Variants in CARM1 observed in about 807,000 individuals in gnomAD.
The protein encoded by CARM1 is coactivator associated arginine methyltransferase 1, also known as histone-arginine methyltransferase CARM1.
A neutral mutation model predicts 72.7 loss-of-function variants in CARM1; 14 were observed. The observed-to-expected ratio is 0.19, with a 90% CI of 0.13 to 0.30. The LOEUF (loss-of-function observed/expected upper bound fraction) is 0.30. CARM1 is among the 10% of genes least tolerant of loss of function. CARM1 has a pLI of 1.00. For synonymous variants in CARM1, 333 were observed against 345.5 expected (o/e 0.96, Z 0.40); for missense variants, 432 against 833.7 (o/e 0.52, Z 5.93).
intron 1 of CARM1, among the ~76,000 whole-genome samples, chr19:10,880,635 G>A (rs1472825666): frequency 1.3e-5 from 2 of 151,728 alleles, no homozygotes; most frequent in East Asian, 1.9e-4. Flanking sequence ...TTACAGGTGT[G>A]AGTCATGGCA....
chr19:10,905,198 C>T (rs777808002), intron 2 of CARM1, 122 bp downstream of exon 2: 5 of 1,193,302 alleles, frequency 4.2e-6, no homozygotes, highest in African/African-American at 1.5e-5. Context: ...CCACTGCCCT[C>T]AAAACCACAT....
At position 10,916,561 on chromosome 19, in the gene CARM1, T is replaced by TC. The variant is rs2074198404; in HGVS notation, c.938+68dup. ...CTGCCTTCTCAGGGACAGCCCCAGCTCCCCAGAGAGCCTGCACTCCTCTTT... is the reference window on the plus strand; with the variant it reads ...CTGCCTTCTCAGGGACAGCCCCAGCTCCCCCAGAGAGCCTGCACTCCTCTTT... On this transcript the variant is annotated intron_variant, in intron 7 of 15. Transcript: ENST00000327064. This position sits in a 1 kb window ranked among gnomAD's most constrained non-coding sequence, Gnocchi z 4.4. 16 of 1,434,732 alleles carry TC rather than the reference T, an allele frequency of 1.1e-5. No homozygotes were observed. The highest frequency in any genetic ancestry group is 1.4e-5 in the Non-Finnish European group (14 of 1,021,254). 88.9% of individuals were successfully genotyped at this position (1,434,732 alleles called of 1,614,324 possible). A position where few individuals can be genotyped will look rare whatever the true frequency, so the allele number is the denominator to read the frequency against.
At chr19:10,918,907 C>A (rs2074218856) in intron 8 of CARM1, 1 of 152,182 alleles carries the variant, frequency 6.6e-6, no homozygotes, top group Non-Finnish European at 1.5e-5. Context: ...CTGGTTTATT[C>A]TTTTCTTTGG....
chr19:10,892,079 C>T (rs1020781833), intron 1 of CARM1, among the ~76,000 whole-genome samples: 1 of 152,196 alleles, frequency 6.6e-6, no homozygotes, highest in East Asian at 1.9e-4. Context: ...CTGTGCCTTA[C>T]GTTGTGGCTC....
chr19:10,920,039 G>C lies in CARM1; in HGVS notation c.1196+73G>C, dbSNP rs975874651. 41 of 1,202,412 alleles carry C rather than the reference G, an allele frequency of 3.4e-5. 1 individual carries two copies. In the South Asian group the frequency reaches 4.2e-4, roughly 12 times the overall value. 74.5% of individuals were successfully genotyped at this position (1,202,412 alleles called of 1,614,324 possible). A position where few individuals can be genotyped will look rare whatever the true frequency, so the allele number is the denominator to read the frequency against. On this transcript the variant is annotated intron_variant, in intron 10 of 15. Coordinates refer to ENST00000327064, the MANE Select transcript of CARM1 (RefSeq NM_199141.2). This position sits in a 1 kb window ranked among gnomAD's most constrained non-coding sequence, Gnocchi z 5.3. ...CTTCCTGCAGCTGCAACCTGGCTGG[G>C]GGGGTGGAACATGGCTCCAGGTTCC... is the stretch of plus-strand genomic sequence containing the variant.
chr19:10,879,779 A>T (rs371556790), intron 1 of CARM1, among the ~76,000 whole-genome samples: 2 of 152,090 alleles, frequency 1.3e-5, no homozygotes, highest in South Asian at 4.2e-4. Context: ...ACACCCAGAT[A>T]ATTTTTGTAT....
Position 10,920,894 on chromosome 19 carries a change from C to T in CARM1, c.1485C>T (p.Asn495=). 1 of 1,614,258 alleles carries T rather than the reference C, an allele frequency of 6.2e-7. No homozygotes were observed. The highest frequency in any genetic ancestry group is 1.3e-5 in the African/African-American group (1 of 75,074). The change falls in exon 13 of 16, where the codon AAC becomes AAT. Residue 495 remains asparagine (N), a synonymous_variant. Coordinates refer to ENST00000327064, the MANE Select transcript of CARM1 (RefSeq NM_199141.2). This position sits in a 1 kb window ranked among gnomAD's most constrained non-coding sequence, Gnocchi z 5.3. ...CCCACTACACATCTCCCTCGGAAAACATGTGGAACACGGGCAGCACCTACA... is the reference window on the plus strand; with the variant it reads ...CCCACTACACATCTCCCTCGGAAAATATGTGGAACACGGGCAGCACCTACA... ...PGSHYTSPSE[N]MWNTGSTYNL... is the part of the protein sequence containing the mutation.
intron 1 of CARM1, among the ~76,000 whole-genome samples, chr19:10,890,627 A>C (rs1193123238): frequency 6.7e-6 from 1 of 149,912 alleles, no homozygotes; most frequent in African/African-American, 2.4e-5. Context: ...ACTTTGTTTT[A>C]TTTACATATA....
Position 10,915,550 on chromosome 19 carries a change from C to A in CARM1, c.848-857C>A, listed in dbSNP as rs918149151. Among the ~76,000 whole-genome samples, 1 of 152,074 alleles carries A rather than the reference C, an allele frequency of 6.6e-6. No individual in the cohort carries two copies. Among genetic ancestry groups the A allele is most frequent in the Non-Finnish European group, 1.5e-5 (1 of 67,964 alleles). ...GGCTGGGTCACTTCCCATGGTGCCCCCAGGTCCCCCAGGGCAGAAGCCGCA... is the reference window on the plus strand; with the variant it reads ...GGCTGGGTCACTTCCCATGGTGCCCACAGGTCCCCCAGGGCAGAAGCCGCA... On this transcript the variant is annotated intron_variant, in intron 6 of 15. Transcript: ENST00000327064. The surrounding 1 kb of genome is among the most constrained non-coding windows in gnomAD (Gnocchi z 4.6).
chr19:10,910,167 A>C (rs2074137487), intron 4 of CARM1, among the ~76,000 whole-genome samples: 1 of 152,110 alleles, frequency 6.6e-6, no homozygotes, highest in Non-Finnish European at 1.5e-5. Flanking sequence ...AGAACAGAGC[A>C]GAACGTCTGT....
chr19:10,902,340 C>G (rs755808787), intron 1 of CARM1, among the ~76,000 whole-genome samples: 9 of 136,498 alleles, frequency 6.6e-5, no homozygotes, highest in Non-Finnish European at 1.2e-4. Context: ...GTTGCCCAGG[C>G]TGGAGTACAG....
intron 1 of CARM1, among the ~76,000 whole-genome samples, chr19:10,899,237 C>CAGGCTT (rs909961576): frequency 2.7e-4 from 41 of 152,196 alleles, no homozygotes; most frequent in African/African-American, 9.4e-4. Context: ...TGGGCACAGC[C>CAGGCTT]AGGCTTCACT....
In CARM1 at chr19:10,915,630, G is replaced by A. The variant is rs182923700; in HGVS notation, c.848-777G>A. Among the ~76,000 whole-genome samples the A allele has an allele frequency of 4.9e-3, 748 of 152,222 alleles. 9 individuals carry two copies. The highest frequency in any genetic ancestry group is 0.017 in the African/African-American group (721 of 41,554). On this transcript the variant is annotated intron_variant, in intron 6 of 15. Transcript: ENST00000327064. This position sits in a 1 kb window ranked among gnomAD's most constrained non-coding sequence, Gnocchi z 4.6. ...GCTGCAGCCCTGCAGCTCTCGCCTC[G>A]GGTACAGCCTGGTGGCGTAAGGAGG...
Position 10,912,518 on chromosome 19 carries a change from C to CT in CARM1, c.669+238dup, listed in dbSNP as rs201894360. ...GGGCCACATGTCATTTCCCTGTTTT[C>CT]TTTTTTTTTTTTTTGCACTGAAACC... On this transcript the variant is annotated intron_variant, in intron 5 of 15. Transcript: ENST00000327064. This position sits in a 1 kb window ranked among gnomAD's most constrained non-coding sequence, Gnocchi z 4.5. 0.034 allele frequency among the ~76,000 whole-genome samples: 4,884 copies of CT among 141,694 alleles called. 118 individuals carry two copies. The highest frequency in any genetic ancestry group is 0.054 in the Non-Finnish European group (3,496 of 64,372). 93.0% of individuals were successfully genotyped at this position (141,694 alleles called of 152,430 possible).
intron 1 of CARM1, among the ~76,000 whole-genome samples, chr19:10,878,276 A>G (rs556662032): frequency 6.6e-6 from 1 of 152,346 alleles, no homozygotes; most frequent in African/African-American, 2.4e-5. Flanking sequence ...GCAAAACCTG[A>G]AATATTTACT....
rs1405839699 is a variant in CARM1, at chr19:10,871,732, G to A, written c.30G>A (p.Pro10=). 10 of 1,007,374 alleles carry A rather than the reference G, an allele frequency of 9.9e-6. No homozygotes were observed. The highest frequency in any genetic ancestry group is 1.7e-5 in the African/African-American group (1 of 57,226). The allele number at this position is 1,007,374 out of a possible 1,614,324, so 62.4% of individuals were successfully genotyped here. Residue 10 remains proline, a synonymous_variant, in exon 1 of 16, where the codon CCG becomes CCA. Coordinates refer to ENST00000327064, the MANE Select transcript of CARM1 (RefSeq NM_199141.2). This position sits in a 1 kb window ranked among gnomAD's most constrained non-coding sequence, Gnocchi z 5.6. ...CAGCGGCGGCGGCGGCGGTGGGGCC[G>A]GGCGCGGGCGGCGCGGGGTCGGCGG... is the stretch of plus-strand genomic sequence containing the variant. The part of the protein sequence containing the change: MAAAAAAVG[P]GAGGAGSAVP...
intron 8 of CARM1, among the ~76,000 whole-genome samples, chr19:10,917,214 C>A (rs2074204796): frequency 6.6e-6 from 1 of 152,120 alleles, no homozygotes; most frequent in African/African-American, 2.4e-5. Context: ...AAGCTAGGTG[C>A]AGTGGGTCAC....
chr19:10,897,630 C>T (rs922248367), intron 1 of CARM1, among the ~76,000 whole-genome samples: 1 of 152,172 alleles, frequency 6.6e-6, no homozygotes, highest in Non-Finnish European at 1.5e-5. Flanking sequence ...GTGTTCTTTA[C>T]GTTCCCCGTT....
intron 1 of CARM1, among the ~76,000 whole-genome samples, chr19:10,894,718 T>G (rs1169904935): frequency 1.0e-5 from 1 of 98,596 alleles, no homozygotes; most frequent in African/African-American, 2.8e-5. Context: ...CTCCTTGTGT[T>G]TTTTTTTTTT....
Sources: gnomAD v4.1 joint callset for allele counts (sites outside exome capture counted in the v4.1 genomes callset) on GRCh38, gnomAD v4.1.1 for gene constraint, Gnocchi (gnomAD v3.1) non-coding constraint, MANE v1.5 for transcripts, NCBI Gene and HGNC (gene_info 2026-07-23, HGNC 2026-07-21) for gene names.